ULK4: variants seen among roughly 807,000 people sequenced by gnomAD.
ULK4 encodes inactive serine/threonine-protein kinase ULK4.
ULK4 carries 133 observed loss-of-function variants against 160.6 expected under a neutral mutation model. That is an observed-to-expected ratio of 0.83 (90% CI 0.72 to 0.96). The LOEUF (loss-of-function observed/expected upper bound fraction) is 0.96. ULK4 is among the 40% of genes least tolerant of loss of function. The pLI is 0.00. For synonymous variants in ULK4, 534 were observed against 539.8 expected (o/e 0.99, Z 0.15); for missense variants, 1,580 against 1,499.5 (o/e 1.05, Z -0.89).
intron 35 of ULK4, among the ~76,000 whole-genome samples, chr3:41,273,494 A>G (rs1382462458): frequency 6.6e-6 from 1 of 152,204 alleles, no homozygotes; most frequent in Non-Finnish European, 1.5e-5. Flanking sequence ...GAAACCATCC[A>G]TACATTTCCA....
intron 30 of ULK4, among the ~76,000 whole-genome samples, chr3:41,650,927 T>A (rs902178262): frequency 6.6e-6 from 1 of 152,222 alleles, no homozygotes; most frequent in Non-Finnish European, 1.5e-5. Context: ...AAAATATTTA[T>A]CATCTTAAAA....
intron 35 of ULK4, among the ~76,000 whole-genome samples, chr3:41,284,352 A>C (rs2079419587): frequency 6.6e-6 from 1 of 152,184 alleles, no homozygotes; most frequent in South Asian, 2.1e-4. Context: ...CTTTCCTATA[A>C]GGCCATAGTC....
chr3:41,329,614 T>C (rs1337230025), intron 35 of ULK4, among the ~76,000 whole-genome samples: 4 of 152,160 alleles, frequency 2.6e-5, no homozygotes, highest in Non-Finnish European at 5.9e-5. Context: ...TACAACCCAG[T>C]GTCATAAACA....
At chr3:41,927,912 C>G (rs1699441804) in intron 5 of ULK4, among the ~76,000 whole-genome samples, 1 of 152,066 alleles carries the variant, frequency 6.6e-6, no homozygotes. Context: ...TAGTGGGAGA[C>G]TTTAACACCC....
chr3:41,753,470 G>A (rs995713579), intron 22 of ULK4, among the ~76,000 whole-genome samples: 3 of 152,160 alleles, frequency 2.0e-5, no homozygotes, highest in Non-Finnish European at 2.9e-5. Context: ...AATACAGCAC[G>A]GATCAGATGG....
intron 32 of ULK4, among the ~76,000 whole-genome samples, chr3:41,547,277 T>C (rs1019015575): frequency 3.3e-5 from 5 of 152,286 alleles, no homozygotes; most frequent in Non-Finnish European, 5.9e-5. Context: ...AAGGCACACA[T>C]GTCGTCCAAA....
intron 34 of ULK4, 43 bp from the exon 35 acceptor site, chr3:41,398,307 G>T: frequency 2.5e-6 from 4 of 1,596,074 alleles, no homozygotes; most frequent in South Asian, 1.1e-5. Flanking sequence ...CCTTGAAGAC[G>T]GTATTAGTAC....
intron 35 of ULK4, among the ~76,000 whole-genome samples, chr3:41,259,116 GTATA>G (rs10567326): frequency 2.7e-5 from 4 of 147,970 alleles, no homozygotes; most frequent in East Asian, 3.9e-4. Context: ...GTATATATGT[GTATA>G]TATATATATA....
At chr3:41,537,972 G>A (rs2086565691) in intron 32 of ULK4, among the ~76,000 whole-genome samples, 1 of 149,698 alleles carries the variant, frequency 6.7e-6, no homozygotes, top group Non-Finnish European at 1.5e-5. Context: ...TTAAAAACCT[G>A]TTCAGGCAGA....
intron 32 of ULK4, among the ~76,000 whole-genome samples, chr3:41,491,655 C>G (rs1211789309): frequency 3.3e-5 from 5 of 151,716 alleles, no homozygotes; most frequent in Non-Finnish European, 5.9e-5. Flanking sequence ...ATTTAATAAT[C>G]AAACTGAATC....
intron 32 of ULK4, among the ~76,000 whole-genome samples, chr3:41,559,118 T>C (rs888374905): frequency 1.9e-4 from 29 of 149,210 alleles, no homozygotes; most frequent in East Asian, 4.1e-4. Flanking sequence ...TGAGTGAGAA[T>C]ATGCAGTGTT....
At chr3:41,865,108 T>C (rs1299118127) in intron 17 of ULK4, among the ~76,000 whole-genome samples, 1 of 151,484 alleles carries the variant, frequency 6.6e-6, no homozygotes. Flanking sequence ...CTCATCTCTA[T>C]GAAAAATACA....
At chr3:41,732,271 G>T (rs1254130289) in intron 22 of ULK4, among the ~76,000 whole-genome samples, 1 of 151,192 alleles carries the variant, frequency 6.6e-6, no homozygotes, top group Non-Finnish European at 1.5e-5. Context: ...CAACTCAATA[G>T]CAAAAGAAAA....
intron 32 of ULK4, among the ~76,000 whole-genome samples, chr3:41,563,353 A>G (rs1040518239): frequency 1.3e-5 from 2 of 152,042 alleles, no homozygotes; most frequent in Non-Finnish European, 2.9e-5. Context: ...TGCTCTTCTC[A>G]AGGAGTATCT....
chr3:41,510,888 G>A (rs928247234), intron 32 of ULK4, among the ~76,000 whole-genome samples: 1 of 152,128 alleles, frequency 6.6e-6, no homozygotes, highest in Non-Finnish European at 1.5e-5. Context: ...TGGGACGGGC[G>A]CAGTGGCTCA....
chr3:41,566,439 C>A (rs2087786423), intron 31 of ULK4, among the ~76,000 whole-genome samples: 1 of 152,188 alleles, frequency 6.6e-6, no homozygotes, highest in Non-Finnish European at 1.5e-5. Flanking sequence ...GTATGTAGAA[C>A]TCAGAAGATC....
intron 35 of ULK4, among the ~76,000 whole-genome samples, chr3:41,332,581 G>A (rs1415006234): frequency 6.6e-6 from 1 of 152,138 alleles, no homozygotes. Flanking sequence ...TCTTTAAGAA[G>A]GTTAGTACTT....
chr3:41,569,799 G>C (rs1349057358), intron 31 of ULK4, among the ~76,000 whole-genome samples: 1 of 144,470 alleles, frequency 6.9e-6, no homozygotes, highest in African/African-American at 2.6e-5. Flanking sequence ...TTTTTTTTTT[G>C]AGTTAGTCAT....
At chr3:41,300,061 G>T (rs1002712990) in intron 35 of ULK4, among the ~76,000 whole-genome samples, 1 of 152,096 alleles carries the variant, frequency 6.6e-6, no homozygotes, top group African/African-American at 2.4e-5. Context: ...ACCAACACCA[G>T]CAGAAGAAGA....
Sources: allele counts gnomAD v4.1 joint callset (sites outside exome capture counted in the v4.1 genomes callset), GRCh38; gene constraint gnomAD v4.1.1; transcripts MANE v1.5; gene names NCBI Gene and HGNC (gene_info 2026-07-23, HGNC 2026-07-21).